Variants in SLC38A8 observed in about 807,000 individuals in gnomAD.
The protein encoded by SLC38A8 is solute carrier family 38 member 8.
Under a neutral mutation model 46.0 loss-of-function variants are expected in SLC38A8, and 65 were observed. That is an observed-to-expected ratio of 1.41 (90% CI 1.16 to 1.74). The LOEUF is 1.74. Among genes scored for constraint, SLC38A8 ranks in the 40% most tolerant of loss-of-function variants. SLC38A8 has a pLI of 0.00. For missense variants in SLC38A8, 998 were observed against 567.9 expected (o/e 1.76, Z -7.70); for synonymous variants, 447 against 243.7 (o/e 1.83, Z -7.77).
upstream of SLC38A8, among the ~76,000 whole-genome samples, chr16:84,043,266 G>C (rs1163538535): frequency 6.6e-6 from 1 of 152,190 alleles, no homozygotes; most frequent in Non-Finnish European, 1.5e-5. Flanking sequence ...ACTGATACGG[G>C]GTCAGCTAAG....
chr16:84,033,385 A>G lies in SLC38A8; in HGVS notation c.473T>C (p.Val158Ala), dbSNP rs1172913045. The G allele has an allele frequency of 2.5e-6, 4 of 1,614,048 alleles. No homozygotes were observed. The Admixed American group carries it at 6.7e-5, about 27-fold the overall frequency. The part of the protein sequence containing the change: ...DQRFTLPLLS[V>A]LVILPLSAPR... ...GGCAGACAGGGGCAGGATGACCAGC[A>G]CGGAGAGCAGGGGCAGGGTGAAGCG... is the stretch of plus-strand genomic sequence containing the variant. Residue 158 changes from valine to alanine, a missense_variant, in exon 4 of 11, where the codon GTG (valine) becomes GCG (alanine). Val to Ala is a moderately conservative substitution (Grantham distance 64). Coordinates refer to ENST00000299709, the MANE Select transcript of SLC38A8 (RefSeq NM_001080442.3).
At position 84,042,695 on chromosome 16, in the gene SLC38A8, A is replaced by G. The variant is rs189921892; in HGVS notation, c.-147T>C. On this transcript the variant is annotated 5_prime_UTR_variant, in exon 1 of 11. It removes an upstream start codon present in the reference 5' UTR. Transcript: ENST00000299709. ...GAGCTTGGCCAGGGGTGAGTGAGTC[A>G]TTAACTAAAGGAGCCCTAGCGAGTA... 1 of 153,926 alleles carries G rather than the reference A, an allele frequency of 6.5e-6. No homozygotes were observed. Among genetic ancestry groups the G allele is most frequent in the East Asian group, 1.9e-4 (1 of 5,194 alleles). The allele number at this position is 153,926 out of a possible 1,614,324, so 9.5% of individuals were successfully genotyped here.
intron 3 of SLC38A8, among the ~76,000 whole-genome samples, chr16:84,034,545 G>A (rs1384500391): frequency 4.6e-5 from 7 of 152,206 alleles, no homozygotes; most frequent in African/African-American, 1.7e-4. Flanking sequence ...AGGCCGAGGA[G>A]CTTGAGATGT....
upstream of SLC38A8, among the ~76,000 whole-genome samples, chr16:84,042,877 G>A (rs1018244630): frequency 2.0e-5 from 3 of 152,160 alleles, no homozygotes; most frequent in Non-Finnish European, 4.4e-5. Flanking sequence ...GGCCCCGGGG[G>A]TGGAGCTTTC....
chr16:84,013,929 G>A (rs927167028), intron 9 of SLC38A8, among the ~76,000 whole-genome samples: 1 of 152,194 alleles, frequency 6.6e-6, no homozygotes, highest in Non-Finnish European at 1.5e-5. Flanking sequence ...GTGTGAGGGA[G>A]GAGCCACGTG....
At position 84,020,004 on chromosome 16, in the gene SLC38A8, G is replaced by A. The variant is rs141374251; in HGVS notation, c.806-2717C>T. Among the ~76,000 whole-genome samples the A allele has an allele frequency of 1.8e-3, 270 of 152,368 alleles. 1 individual carries two copies. The highest frequency in any genetic ancestry group is 0.012 in the South Asian group (59 of 4,834). On this transcript the variant is annotated intron_variant, in intron 7 of 10. Transcript: ENST00000299709. ...TTGGCACCTGATGCCTGAAGTTCTC[G>A]CAGGCAGGTGTTGCACGTTGCTGGT...
chr16:84,025,769 G>C (rs1361541309), intron 6 of SLC38A8, among the ~76,000 whole-genome samples: 3 of 152,216 alleles, frequency 2.0e-5, no homozygotes, highest in Non-Finnish European at 2.9e-5. Flanking sequence ...AAATATAGGA[G>C]GGCACAGTGG....
intron 7 of SLC38A8, among the ~76,000 whole-genome samples, chr16:84,022,453 A>G (rs748403289): frequency 1.3e-5 from 2 of 152,216 alleles, no homozygotes; most frequent in South Asian, 2.1e-4. Flanking sequence ...ACAGCAGTCA[A>G]TGTCCTTTGA....
chr16:84,035,967 C>A (rs1324739786), intron 3 of SLC38A8, among the ~76,000 whole-genome samples: 1 of 152,220 alleles, frequency 6.6e-6, no homozygotes, highest in Non-Finnish European at 1.5e-5. Flanking sequence ...GCACACTGTA[C>A]CCAGCAACTG....
Position 84,036,871 on chromosome 16 carries a change from C to G in SLC38A8, c.219G>C (p.Leu73=), listed in dbSNP as rs1193890200. The change falls in exon 3 of 11, where the codon CTG becomes CTC. Residue 73 remains leucine (L), a synonymous_variant. Transcript: ENST00000299709. ...CAGCAGCAGCATAGCCCAGGATGACCAGCCCGCTGATCAGGAAGACCAACG... is the reference window on the plus strand; with the variant it reads ...CAGCAGCAGCATAGCCCAGGATGACGAGCCCGCTGATCAGGAAGACCAACG... ...LVSLVFLISG[L]VILGYAAAVS... 1.9e-6 allele frequency: 3 copies of G among 1,613,078 alleles called. No homozygotes were observed. Among genetic ancestry groups the G allele is most frequent in the Non-Finnish European group, 2.5e-6 (3 of 1,179,962 alleles).
chr16:84,038,528 C>T (rs1201361509), intron 2 of SLC38A8, among the ~76,000 whole-genome samples: 2 of 152,172 alleles, frequency 1.3e-5, no homozygotes, highest in South Asian at 2.1e-4. Flanking sequence ...AATACTCTGG[C>T]GTGCCTACCA....
chr16:84,013,180 G>C (rs2084974757), intron 9 of SLC38A8, 128 bp from the exon 10 acceptor site: 2 of 997,500 alleles, frequency 2.0e-6, no homozygotes, highest in Non-Finnish European at 3.0e-6. Flanking sequence ...CCCTGGCTCA[G>C]GCCCCCTGGA....
chr16:84,018,102 G>C (rs1373354347), intron 7 of SLC38A8, among the ~76,000 whole-genome samples: 1 of 152,074 alleles, frequency 6.6e-6, no homozygotes. Flanking sequence ...CAGTTATGAA[G>C]GCTGAGAAGT....
chr16:84,030,746 G>A (rs999969498), intron 5 of SLC38A8, among the ~76,000 whole-genome samples: 4 of 152,172 alleles, frequency 2.6e-5, no homozygotes, highest in African/African-American at 9.7e-5. Flanking sequence ...GCCAGGTGCA[G>A]GAGGAATATG....
At chr16:84,037,449 A>T (rs1359332355) in intron 2 of SLC38A8, among the ~76,000 whole-genome samples, 1 of 152,206 alleles carries the variant, frequency 6.6e-6, no homozygotes, top group Non-Finnish European at 1.5e-5. Context: ...TACTCGGCTC[A>T]GCGTGTCAGT....
intron 10 of SLC38A8, among the ~76,000 whole-genome samples, chr16:84,010,922 G>C (rs772761299): frequency 6.6e-5 from 10 of 152,092 alleles, no homozygotes; most frequent in Non-Finnish European, 1.3e-4. Flanking sequence ...AGAGGTGGCT[G>C]GGACTGGCAG....
intron 7 of SLC38A8, among the ~76,000 whole-genome samples, chr16:84,019,322 C>T (rs1268605922): frequency 6.6e-6 from 1 of 152,098 alleles, no homozygotes; most frequent in African/African-American, 2.4e-5. Context: ...AATCCACCTG[C>T]CTCAGCCTAC....
At chr16:84,030,763 C>T (rs2085228203) in intron 5 of SLC38A8, among the ~76,000 whole-genome samples, 1 of 152,168 alleles carries the variant, frequency 6.6e-6, no homozygotes, top group Admixed American at 6.5e-5. Flanking sequence ...TATGCGGGGA[C>T]CCTTGTTGGA....
intron 2 of SLC38A8, among the ~76,000 whole-genome samples, chr16:84,038,310 C>CA (rs58049880): frequency 0.082 from 11,850 of 144,138 alleles, 574 homozygotes; most frequent in East Asian, 0.18. Flanking sequence ...GACTCCCTCT[C>CA]AAAAAAAAAA....
Sources: gnomAD v4.1 joint callset for allele counts (sites outside exome capture counted in the v4.1 genomes callset) on GRCh38, gnomAD v4.1.1 for gene constraint, MANE v1.5 for transcripts, NCBI Gene and HGNC (gene_info 2026-07-23, HGNC 2026-07-21) for gene names.